AADACL4: variants seen among roughly 807,000 people sequenced by gnomAD.
AADACL4 encodes the protein arylacetamide deacetylase-like 4.
In AADACL4, 9 loss-of-function variants were observed where a neutral mutation model predicts 14.1. The ratio of observed to expected loss-of-function variants is 0.64; its 90% CI spans 0.39 to 1.12. The LOEUF is 1.12. Among genes scored for constraint, AADACL4 ranks in the 50% most tolerant of loss-of-function variants. AADACL4 has a pLI of 0.01. For missense variants in AADACL4, 531 were observed against 516.1 expected (o/e 1.03, Z -0.28); for synonymous variants, 188 against 201.6 (o/e 0.93, Z 0.57).
chr1:12,651,451 G>A (rs1407292369), intron 2 of AADACL4, 112 bp downstream of exon 2: 1 of 1,178,266 alleles, frequency 8.5e-7, no homozygotes, highest in Non-Finnish European at 1.2e-6. Flanking sequence ...TCAGTTGTTG[G>A]AGATTTTTAT....
intron 1 of AADACL4, among the ~76,000 whole-genome samples, chr1:12,645,182 T>A (rs1647103323): frequency 7.1e-6 from 1 of 140,888 alleles, no homozygotes; most frequent in Non-Finnish European, 1.5e-5. Context: ...TCTCCTTCCT[T>A]CCCTCCCTCC....
At position 12,666,562 on chromosome 1, in the gene AADACL4, G is replaced by A. The variant is rs1647337951; in HGVS notation, c.1051G>A (p.Asp351Asn). Reference protein sequence around the residue: ...LVSCENDILRDDSLLYKKRLE... With the variant: ...LVSCENDILRNDSLLYKKRLE... ...GAGCTGTGAGAATGACATACTCCGT[G>A]ATGACAGCTTGCTCTATAAGAAGCG... Residue 351 changes from aspartate to asparagine, a missense_variant, in exon 4 of 4, where the codon GAT becomes AAT. By Grantham distance (23) the Asp-to-Asn change is conservative (BLOSUM62 1). Coordinates refer to ENST00000376221, the MANE Select transcript of AADACL4 (RefSeq NM_001013630.2). 3 of 1,614,126 alleles carry A rather than the reference G, an allele frequency of 1.9e-6. No homozygotes were observed. The highest frequency in any genetic ancestry group is 1.3e-5 in the African/African-American group (1 of 74,940).
intron 2 of AADACL4, among the ~76,000 whole-genome samples, chr1:12,658,361 C>A (rs191615869): frequency 1.3e-5 from 2 of 151,814 alleles, no homozygotes; most frequent in Non-Finnish European, 2.9e-5. Flanking sequence ...CGGATTCAAG[C>A]GAGTATCGTG....
At chr1:12,653,467 AT>A (rs1254016205) in intron 2 of AADACL4, among the ~76,000 whole-genome samples, 1 of 152,226 alleles carries the variant, frequency 6.6e-6, no homozygotes, top group Non-Finnish European at 1.5e-5. Context: ...CGTTATTGAA[AT>A]TATACAGCCG....
intron 2 of AADACL4, among the ~76,000 whole-genome samples, chr1:12,658,127 C>CTTTCTTTCTTT (rs1557550825): frequency 1.0e-4 from 12 of 119,492 alleles, no homozygotes; most frequent in African/African-American, 6.0e-4. Flanking sequence ...TTCCTTCCTT[C>CTTTCTTTCTTT]CTTCCTTCCT....
chr1:12,660,799 A>G (rs193022144), intron 2 of AADACL4, among the ~76,000 whole-genome samples: 2 of 152,188 alleles, frequency 1.3e-5, no homozygotes, highest in Admixed American at 6.5e-5. Context: ...ATGTGCCACC[A>G]TGCCCGGCTA....
intron 2 of AADACL4, among the ~76,000 whole-genome samples, chr1:12,654,251 A>G (rs1232452394): frequency 6.6e-6 from 1 of 152,240 alleles, no homozygotes; most frequent in Admixed American, 6.5e-5. Context: ...GTTTTTGGAC[A>G]GGAAAGACAG....
At position 12,666,670 on chromosome 1, in the gene AADACL4, G is replaced by C. The variant is rs185059004; in HGVS notation, c.1159G>C (p.Ala387Pro). 57 of 1,613,956 alleles carry C rather than the reference G, an allele frequency of 3.5e-5. No homozygotes were observed. Among genetic ancestry groups the C allele is most frequent in the Middle Eastern group, 3.3e-4 (2 of 6,062 alleles). ...HGSIIFFDKK[A>P]LSFPCSLKIV... ...ATCCATTATCTTTTTTGATAAGAAG[G>C]CTCTCTCTTTCCCATGTTCCCTGAA... The change falls in exon 4 of 4, where the codon GCT (alanine) becomes CCT (proline). Residue 387 changes from alanine (A) to proline (P), a missense_variant. Transcript: ENST00000376221.
intron 2 of AADACL4, among the ~76,000 whole-genome samples, chr1:12,657,483 A>G (rs902897591): frequency 6.6e-6 from 1 of 152,198 alleles, no homozygotes; most frequent in Non-Finnish European, 1.5e-5. Flanking sequence ...GACCCTCGCC[A>G]GTGTTCAGGC....
chr1:12,644,413 C>T lies in AADACL4; in HGVS notation c.-134C>T, dbSNP rs1647096412. 1.0e-6 allele frequency: 1 copy of T among 991,886 alleles called. No individual in the cohort carries two copies. The highest frequency in any genetic ancestry group is 1.5e-6 in the Non-Finnish European group (1 of 681,682). The allele number at this position is 991,886 out of a possible 1,614,324, so 61.4% of individuals were successfully genotyped here. A position where few individuals can be genotyped will look rare whatever the true frequency, so the allele number is the denominator to read the frequency against. ...CTTACCCTGAGAAGCTGTGTCAGGC[C>T]ACTGTGTCAGGTGTCAGGCTTAGCC... On this transcript the variant is annotated 5_prime_UTR_variant, in exon 1 of 4. Coordinates refer to ENST00000376221, the MANE Select transcript of AADACL4 (RefSeq NM_001013630.2).
chr1:12,658,129 TTCCTTCCTTC>T (rs1557550833), intron 2 of AADACL4, among the ~76,000 whole-genome samples: 20 of 133,812 alleles, frequency 1.5e-4, no homozygotes, highest in African/African-American at 3.2e-4. Context: ...CCTTCCTTCC[TTCCTTCCTTC>T]CTTTCTTTCT....
intron 1 of AADACL4, among the ~76,000 whole-genome samples, chr1:12,646,349 T>C (rs1647111746): frequency 6.6e-6 from 1 of 152,224 alleles, no homozygotes; most frequent in East Asian, 1.9e-4. Flanking sequence ...TCTAGAGATG[T>C]TTAGTGAATT....
chr1:12,660,489 A>G (rs1272986727), intron 2 of AADACL4, among the ~76,000 whole-genome samples: 3 of 152,096 alleles, frequency 2.0e-5, no homozygotes, highest in Non-Finnish European at 4.4e-5. Flanking sequence ...TTGGGAAAGG[A>G]GGAATGTCTG....
rs34997722 is a variant in AADACL4, at chr1:12,651,828, AT to A, written c.385+507del. 7.8e-3 allele frequency among the ~76,000 whole-genome samples: 972 copies of A among 124,094 alleles called. 4 individuals carry two copies. The highest frequency in any genetic ancestry group is 0.019 in the African/African-American group (591 of 31,604). The allele number at this position is 124,094 out of a possible 152,430, so 81.4% of individuals were successfully genotyped here. A position where few individuals can be genotyped will look rare whatever the true frequency, so the allele number is the denominator to read the frequency against. On this transcript the variant is annotated intron_variant, in intron 2 of 3. Transcript: ENST00000376221. ...TGGTCCCCATCCAGCAGCTAGGAGG[AT>A]TTTTTTTTTTTTTTTTTGAGATGGA... is the stretch of plus-strand genomic sequence containing the variant.
intron 2 of AADACL4, among the ~76,000 whole-genome samples, chr1:12,657,396 G>A (rs56709532): frequency 0.043 from 6,506 of 152,132 alleles, 432 homozygotes; most frequent in African/African-American, 0.14. Context: ...AAATGGGAGC[G>A]ATGATGTTCC....
chr1:12,660,804 C>A (rs554384034), intron 2 of AADACL4, among the ~76,000 whole-genome samples: 2 of 151,980 alleles, frequency 1.3e-5, no homozygotes, highest in African/African-American at 4.8e-5. Flanking sequence ...CCACCATGCC[C>A]GGCTAATTTT....
intron 1 of AADACL4, 108 bp downstream of exon 1, chr1:12,644,822 A>G: frequency 3.2e-6 from 4 of 1,247,218 alleles, no homozygotes; most frequent in Admixed American, 2.1e-5. Context: ...CTCTCTTCGG[A>G]CTCCCTCAAG....
chr1:12,666,592 G>C lies in AADACL4; in HGVS notation c.1081G>C (p.Glu361Gln). 6.2e-7 allele frequency: 1 copy of C among 1,614,216 alleles called. No individual in the cohort carries two copies. The highest frequency in any genetic ancestry group is 1.1e-5 in the South Asian group (1 of 91,080). ...DDSLLYKKRL[E>Q]DQGVRVTWYH... is the part of the protein sequence containing the mutation. ...CAGCTTGCTCTATAAGAAGCGCTTG[G>C]AGGACCAGGGGGTCCGCGTGACATG... Residue 361 changes from glutamate to glutamine, a missense_variant, in exon 4 of 4, where the codon GAG (glutamate) becomes CAG (glutamine). By Grantham distance (29) the Glu-to-Gln change is conservative. Coordinates refer to ENST00000376221, the MANE Select transcript of AADACL4 (RefSeq NM_001013630.2).
intron 1 of AADACL4, among the ~76,000 whole-genome samples, chr1:12,646,407 A>T (rs1647112006): frequency 6.6e-6 from 1 of 152,238 alleles, no homozygotes; most frequent in Non-Finnish European, 1.5e-5. Flanking sequence ...ATGGGTTACA[A>T]AAACATTTTC....
Sources: gnomAD v4.1 joint callset for allele counts (sites outside exome capture counted in the v4.1 genomes callset) on GRCh38, gnomAD v4.1.1 for gene constraint, MANE v1.5 for transcripts, NCBI Gene and HGNC (gene_info 2026-07-23, HGNC 2026-07-21) for gene names.